The following PPP1R9A variants were observed in gnomAD, a reference collection of about 807,000 sequenced individuals.
PPP1R9A encodes protein phosphatase 1 regulatory subunit 9A, also known as neurabin-1.
Under a neutral mutation model 141.9 loss-of-function variants are expected in PPP1R9A, and 59 were observed. That is an observed-to-expected ratio of 0.42 (90% CI 0.34 to 0.52). The LOEUF (loss-of-function observed/expected upper bound fraction) is 0.52, where lower values mean the gene tolerates loss of function less well. Among genes scored for constraint, PPP1R9A ranks in the 20% least tolerant of loss-of-function variants. The probability of loss-of-function intolerance (pLI) is 0.10; values close to 1 mark genes in which losing one functional copy is unlikely to be tolerated. For missense variants in PPP1R9A, 1,444 were observed against 1,611.9 expected (o/e 0.90, Z 1.78); for synonymous variants, 500 against 569.7 (o/e 0.88, Z 1.74).
intron 4 of PPP1R9A, among the ~76,000 whole-genome samples, chr7:95,131,939 TTG>T (rs1824716361): frequency 6.6e-6 from 1 of 152,148 alleles, no homozygotes; most frequent in African/African-American, 2.4e-5. Context: ...GTATTTCATT[TTG>T]TGTGTGTGTT....
intron 5 of PPP1R9A, among the ~76,000 whole-genome samples, chr7:95,170,226 A>G (rs1831901261): frequency 6.6e-6 from 1 of 151,842 alleles, no homozygotes; most frequent in Non-Finnish European, 1.5e-5. Flanking sequence ...CAGAACTTCA[A>G]GAGGCTGTGG....
At chr7:95,134,170 G>T (rs1584876725) in intron 4 of PPP1R9A, among the ~76,000 whole-genome samples, 2 of 152,064 alleles carry the variant, frequency 1.3e-5, no homozygotes, top group African/African-American at 4.8e-5. Context: ...CCTTTGCAGG[G>T]ACATGGATGA....
chr7:95,258,266 A>G (rs971354912), intron 12 of PPP1R9A, among the ~76,000 whole-genome samples: 3 of 152,164 alleles, frequency 2.0e-5, no homozygotes, highest in Admixed American at 2.0e-4. Flanking sequence ...TCTGATGGCC[A>G]GTGATGATGA....
intron 2 of PPP1R9A, among the ~76,000 whole-genome samples, chr7:94,937,229 C>T (rs1280784193): frequency 6.6e-6 from 1 of 152,094 alleles, no homozygotes; most frequent in Non-Finnish European, 1.5e-5. Context: ...TTCTTGTCCT[C>T]CAAGCTCTCC....
chr7:94,910,348 G>A lies in PPP1R9A; in HGVS notation c.235G>A (p.Glu79Lys), dbSNP rs1221361402. The A allele has an allele frequency of 1.9e-6, 3 of 1,614,088 alleles. No individual in the cohort carries two copies. The highest frequency in any genetic ancestry group is 2.5e-6 in the Non-Finnish European group (3 of 1,180,008). ...LFMQMGMEPN[E>K]NAAVIAKTRG... ...TATGCAGATGGGTATGGAACCCAAC[G>A]AGAATGCTGCAGTCATTGCCAAAAC... The change falls in exon 2 of 20, where the codon GAG becomes AAG. Residue 79 changes from glutamate to lysine, a missense_variant. Glu to Lys is a moderately conservative substitution (Grantham distance 56). Coordinates refer to ENST00000433360, the MANE Select transcript of PPP1R9A (RefSeq NM_001166160.2). The surrounding 1 kb of genome is among the most constrained non-coding windows in gnomAD (Gnocchi z 4.5).
In PPP1R9A at chr7:95,182,093, G is replaced by T. The variant is rs553316568; in HGVS notation, c.1755-16256G>T. Among the ~76,000 whole-genome samples, 17 of 151,896 alleles carry T rather than the reference G, an allele frequency of 1.1e-4. No individual in the cohort carries two copies. In the South Asian group the frequency reaches 3.5e-3, roughly 32 times the overall value. On this transcript the variant is annotated intron_variant, in intron 5 of 19. Transcript: ENST00000433360. ...TGCAGTGTATACTGCTGGGTGATGG[G>T]TGCACCAAAATCTCACAAATCACTA...
intron 4 of PPP1R9A, among the ~76,000 whole-genome samples, chr7:95,130,085 A>G (rs1457853949): frequency 6.6e-6 from 1 of 152,150 alleles, no homozygotes; most frequent in Non-Finnish European, 1.5e-5. Flanking sequence ...CCCCAAGACA[A>G]TGGGGGAAAA....
At chr7:95,177,051 C>T (rs1025967040) in intron 5 of PPP1R9A, among the ~76,000 whole-genome samples, 5 of 151,934 alleles carry the variant, frequency 3.3e-5, no homozygotes, top group Admixed American at 2.0e-4. Flanking sequence ...AGATTATCAC[C>T]CAGGCGCATT....
chr7:94,960,851 G>T (rs767996537), intron 2 of PPP1R9A, among the ~76,000 whole-genome samples: 4 of 151,662 alleles, frequency 2.6e-5, no homozygotes, highest in East Asian at 1.9e-4. Context: ...TCATTTAAAA[G>T]ATGTTTCTTG....
At chr7:94,974,352 G>A (rs1441310421) in intron 2 of PPP1R9A, among the ~76,000 whole-genome samples, 1 of 152,170 alleles carries the variant, frequency 6.6e-6, no homozygotes, top group African/African-American at 2.4e-5. Context: ...ATGGAAATTA[G>A]GAGAATAGTT....
Position 95,290,411 on chromosome 7 carries a change from C to G in PPP1R9A, c.*108C>G, listed in dbSNP as rs1011556323. 1 of 1,249,738 alleles carries G rather than the reference C, an allele frequency of 8.0e-7. No individual in the cohort carries two copies. Among genetic ancestry groups the G allele is most frequent in the Admixed American group, 2.8e-5 (1 of 35,400 alleles). 77.4% of individuals were successfully genotyped at this position (1,249,738 alleles called of 1,614,324 possible). ...AAGAAACTAAATGATAAGGGTAATG[C>G]GGCTCTAGGCCGGCTGAGGAACTGT... On this transcript the variant is annotated 3_prime_UTR_variant, in exon 20 of 20. Transcript: ENST00000433360.
chr7:94,928,539 T>C (rs936404765), intron 2 of PPP1R9A, among the ~76,000 whole-genome samples: 1 of 152,170 alleles, frequency 6.6e-6, no homozygotes, highest in Non-Finnish European at 1.5e-5. Context: ...TGTCTTCCAT[T>C]TGCTGGATAG....
At chr7:95,008,073 A>G (rs1204470151) in intron 2 of PPP1R9A, among the ~76,000 whole-genome samples, 18 of 152,118 alleles carry the variant, frequency 1.2e-4, no homozygotes, top group Non-Finnish European at 1.0e-4. Flanking sequence ...CTCCATCTCA[A>G]ATAAATAAAC....
chr7:95,081,822 A>C (rs192650095), intron 2 of PPP1R9A, among the ~76,000 whole-genome samples: 28 of 152,332 alleles, frequency 1.8e-4, no homozygotes, highest in African/African-American at 6.3e-4. Flanking sequence ...AAATGACCAT[A>C]AGCTCTGTAA....
At chr7:95,222,311 G>A (rs1037413769) in intron 7 of PPP1R9A, among the ~76,000 whole-genome samples, 26 of 151,980 alleles carry the variant, frequency 1.7e-4, no homozygotes, top group African/African-American at 6.0e-4. Flanking sequence ...CATAAAAGAA[G>A]GAGCATGGGC....
intron 12 of PPP1R9A, among the ~76,000 whole-genome samples, chr7:95,253,604 A>C (rs1799182625): frequency 6.6e-6 from 1 of 152,160 alleles, no homozygotes; most frequent in Non-Finnish European, 1.5e-5. Context: ...AAGAGTATTT[A>C]GCTTCTCTGG....
chr7:95,111,829 T>TC (rs1164728638), intron 3 of PPP1R9A, among the ~76,000 whole-genome samples: 2 of 151,800 alleles, frequency 1.3e-5, no homozygotes, highest in South Asian at 2.1e-4. Flanking sequence ...CTACATCCTC[T>TC]CCCCCTCTGA....
At chr7:95,267,553 T>C (rs1329797092) in intron 12 of PPP1R9A, among the ~76,000 whole-genome samples, 2 of 152,100 alleles carry the variant, frequency 1.3e-5, no homozygotes, top group Non-Finnish European at 2.9e-5. Flanking sequence ...AATGTTAACT[T>C]CGGGGTCCTA....
At chr7:95,094,836 C>T (rs1348112876) in intron 2 of PPP1R9A, among the ~76,000 whole-genome samples, 2 of 135,176 alleles carry the variant, frequency 1.5e-5, no homozygotes, top group Non-Finnish European at 3.1e-5. Context: ...GCTGAGATCA[C>T]ACCACTGCAC....
Sources: gnomAD v4.1 joint callset for allele counts (sites outside exome capture counted in the v4.1 genomes callset) on GRCh38, gnomAD v4.1.1 for gene constraint, Gnocchi (gnomAD v3.1) non-coding constraint, MANE v1.5 for transcripts, NCBI Gene and HGNC (gene_info 2026-07-23, HGNC 2026-07-21) for gene names.